The following SORCS3 variants were observed in gnomAD, a reference collection of about 807,000 sequenced individuals.
SORCS3 encodes the protein sortilin related VPS10 domain containing receptor 3, also known as VPS10 domain-containing receptor SorCS3.
In SORCS3, 57 loss-of-function variants were observed where a neutral mutation model predicts 146.3. The observed-to-expected ratio is 0.39, with a 90% CI of 0.31 to 0.49. The LOEUF (loss-of-function observed/expected upper bound fraction) is 0.49. SORCS3 is among the 20% of genes least tolerant of loss of function. The pLI is 0.92. For missense variants in SORCS3, 1,341 were observed against 1,575.5 expected (o/e 0.85, Z 2.52); for synonymous variants, 653 against 618.5 (o/e 1.06, Z -0.83).
intron 2 of SORCS3, among the ~76,000 whole-genome samples, chr10:104,895,833 A>G (rs1447380613): frequency 1.3e-5 from 2 of 152,060 alleles, no homozygotes; most frequent in Non-Finnish European, 2.9e-5. Flanking sequence ...ATTTCCTCTC[A>G]CTTTGTTTCT....
intron 1 of SORCS3, among the ~76,000 whole-genome samples, chr10:104,783,826 T>C (rs2017402230): frequency 6.6e-6 from 1 of 152,244 alleles, no homozygotes; most frequent in African/African-American, 2.4e-5. Flanking sequence ...CTTCAGCTGA[T>C]TCTTCTTCAT....
At chr10:105,154,315 A>G (rs1465592960) in intron 9 of SORCS3, among the ~76,000 whole-genome samples, 2 of 152,136 alleles carry the variant, frequency 1.3e-5, no homozygotes, top group East Asian at 3.9e-4. Flanking sequence ...GGACAGCCCA[A>G]GGCAGATCAT....
At chr10:105,162,819 T>C (rs983322352) in intron 11 of SORCS3, among the ~76,000 whole-genome samples, 17 of 152,196 alleles carry the variant, frequency 1.1e-4, no homozygotes, top group African/African-American at 4.1e-4. Flanking sequence ...TACACAGCTC[T>C]GGAGCAACAG....
chr10:105,069,768 A>G (rs1346132436), intron 5 of SORCS3, among the ~76,000 whole-genome samples: 1 of 152,178 alleles, frequency 6.6e-6, no homozygotes, highest in Non-Finnish European at 1.5e-5. Context: ...AATACATTGT[A>G]CTGTGCTGCA....
intron 1 of SORCS3, among the ~76,000 whole-genome samples, chr10:104,817,441 C>A (rs1169853315): frequency 1.1e-5 from 1 of 94,080 alleles, no homozygotes; most frequent in African/African-American, 4.2e-5. Flanking sequence ...TCTTCCTCCT[C>A]CCCCTTCTCC....
chr10:104,916,535 T>G (rs2019030072), intron 3 of SORCS3, among the ~76,000 whole-genome samples: 1 of 152,228 alleles, frequency 6.6e-6, no homozygotes, highest in Non-Finnish European at 1.5e-5. Flanking sequence ...CAGGATGAAA[T>G]CATATAAGGT....
intron 5 of SORCS3, among the ~76,000 whole-genome samples, chr10:105,068,089 A>G (rs1278468433): frequency 6.6e-6 from 1 of 152,042 alleles, no homozygotes; most frequent in Non-Finnish European, 1.5e-5. Context: ...CTACCCTGAT[A>G]TGGCTCTAAT....
At chr10:104,886,549 CTCTATCATCTA>C (rs2018688584) in intron 2 of SORCS3, among the ~76,000 whole-genome samples, 1 of 129,864 alleles carries the variant, frequency 7.7e-6, no homozygotes, top group Non-Finnish European at 1.6e-5. Flanking sequence ...TAATATATAA[CTCTATCATCTA>C]TCTATCTATC....
chr10:104,872,566 A>ATT (rs35376112), intron 2 of SORCS3, among the ~76,000 whole-genome samples: 96,584 of 142,724 alleles, frequency 0.68, 32,848 homozygotes, highest in East Asian at 0.85. Flanking sequence ...CCTCATTTTG[A>ATT]TTTTTTTTTT....
chr10:104,862,565 A>G (rs1407833539), intron 2 of SORCS3, among the ~76,000 whole-genome samples: 2 of 151,980 alleles, frequency 1.3e-5, no homozygotes, highest in Non-Finnish European at 2.9e-5. Context: ...GTATTTCTTC[A>G]TATGGACTTT....
chr10:104,855,221 A>G (rs1391761957), intron 2 of SORCS3, among the ~76,000 whole-genome samples: 1 of 152,096 alleles, frequency 6.6e-6, no homozygotes, highest in Non-Finnish European at 1.5e-5. Context: ...TCCTCTTCAT[A>G]TTATAGTGAT....
chr10:105,024,627 A>G (rs538688066), intron 4 of SORCS3, among the ~76,000 whole-genome samples: 1 of 152,302 alleles, frequency 6.6e-6, no homozygotes, highest in African/African-American at 2.4e-5. Context: ...TTGTTTGCCA[A>G]GGGAGGCTCC....
At chr10:105,114,898 G>A (rs2055883194) in intron 7 of SORCS3, among the ~76,000 whole-genome samples, 1 of 152,166 alleles carries the variant, frequency 6.6e-6, no homozygotes. Flanking sequence ...TCAATTGGTA[G>A]CTTGGATACA....
chr10:104,769,445 A>G (rs2017222002), intron 1 of SORCS3, among the ~76,000 whole-genome samples: 1 of 152,104 alleles, frequency 6.6e-6, no homozygotes, highest in Non-Finnish European at 1.5e-5. Flanking sequence ...CTACTCCTTG[A>G]ATGGAGGCTG....
intron 6 of SORCS3, among the ~76,000 whole-genome samples, chr10:105,091,198 TC>T (rs1199204784): frequency 1.9e-5 from 2 of 106,688 alleles, no homozygotes; most frequent in African/African-American, 6.7e-5. Context: ...CCTCCTTCCT[TC>T]CTTCCCTCCT....
At chr10:105,040,482 T>C (rs1258161201) in intron 4 of SORCS3, among the ~76,000 whole-genome samples, 3 of 152,152 alleles carry the variant, frequency 2.0e-5, no homozygotes, top group African/African-American at 7.2e-5. Context: ...GCTCAAAACA[T>C]ATTTTTCCAG....
intron 3 of SORCS3, among the ~76,000 whole-genome samples, chr10:104,947,683 C>T (rs777812289): frequency 1.9e-4 from 29 of 152,186 alleles, no homozygotes; most frequent in Non-Finnish European, 3.8e-4. Flanking sequence ...AGTGCAGTGG[C>T]GCAATCTTGG....
chr10:104,856,857 T>C (rs1251996664), intron 2 of SORCS3, among the ~76,000 whole-genome samples: 1 of 145,150 alleles, frequency 6.9e-6, no homozygotes, highest in African/African-American at 2.5e-5. Context: ...TATATATTTA[T>C]ATATAAATAA....
At chr10:104,907,933 C>G (rs2018925415) in intron 2 of SORCS3, among the ~76,000 whole-genome samples, 1 of 152,242 alleles carries the variant, frequency 6.6e-6, no homozygotes, top group Non-Finnish European at 1.5e-5. Context: ...TGCAAAGATA[C>G]AGATTAATGT....
Sources: gnomAD v4.1 joint callset for allele counts (sites outside exome capture counted in the v4.1 genomes callset) on GRCh38, gnomAD v4.1.1 for gene constraint, MANE v1.5 for transcripts, NCBI Gene and HGNC (gene_info 2026-07-23, HGNC 2026-07-21) for gene names.